Variants in KATNIP observed in about 807,000 individuals in gnomAD.
KATNIP encodes the protein katanin interacting protein.
In KATNIP, 126 loss-of-function variants were observed where a neutral mutation model predicts 174.0. That is an observed-to-expected ratio of 0.72 (90% CI 0.63 to 0.84). The LOEUF is 0.84. Among genes scored for constraint, KATNIP ranks in the 40% least tolerant of loss-of-function variants. KATNIP has a pLI of 0.00. For synonymous variants in KATNIP, 810 were observed against 835.7 expected (o/e 0.97, Z 0.53); for missense variants, 1,958 against 2,109.7 (o/e 0.93, Z 1.41).
chr16:27,721,379 G>A (rs112524023), intron 13 of KATNIP, among the ~76,000 whole-genome samples, 179 bp from the exon 14 acceptor site: 1,574 of 152,210 alleles, frequency 0.01, 19 homozygotes, highest in African/African-American at 0.034. Flanking sequence ...GTGAAGTGCC[G>A]TCCAGACGGG....
At position 27,628,799 on chromosome 16, in the gene KATNIP, C is replaced by T; in HGVS notation, c.279C>T (p.Ser93=). 1 of 1,614,202 alleles carries T rather than the reference C, an allele frequency of 6.2e-7. No homozygotes were observed. Among genetic ancestry groups the T allele is most frequent in the Non-Finnish European group, 8.5e-7 (1 of 1,180,036 alleles). ...GGAAAGCTATTCACTCTGACTTCTC[C>T]AGAAGTGCCTCCCACACGGAGGGGA... ...SPRKAIHSDF[S]RSASHTEGTH... Residue 93 remains serine (S), a synonymous_variant, in exon 4 of 28, where the codon TCC becomes TCT. Coordinates refer to ENST00000261588, the MANE Select transcript of KATNIP (RefSeq NM_015202.5).
At chr16:27,569,672 A>T (rs2090214836) in intron 1 of KATNIP, among the ~76,000 whole-genome samples, 1 of 152,254 alleles carries the variant, frequency 6.6e-6, no homozygotes, top group African/African-American at 2.4e-5. Flanking sequence ...CAGCACTTCC[A>T]TCCTTGACAG....
At position 27,769,988 on chromosome 16, in the gene KATNIP, G is replaced by A. The variant is rs11644502; in HGVS notation, c.4103G>A (p.Arg1368Gln). ...AQEILFVDYL[R>Q]AQLLPQPARR... ...GAAATCCTCTTCGTGGACTACCTAC[G>A]GGCTCAGCTGCTGCCCCAGCCGGCC... The change falls in exon 21 of 28, where the codon CGG becomes CAG. Residue 1368 changes from arginine to glutamine, a missense_variant. Physicochemically the swap from Arg to Gln is conservative, Grantham distance 43 (BLOSUM62 1). Transcript: ENST00000261588. 104,192 of 1,613,974 alleles carry A rather than the reference G, an allele frequency of 0.065. 3,920 individuals carry two copies. The highest frequency in any genetic ancestry group is 0.077 in the Middle Eastern group (468 of 6,060).
chr16:27,756,553 G>GC (rs1260799169), intron 18 of KATNIP, among the ~76,000 whole-genome samples: 1 of 152,190 alleles, frequency 6.6e-6, no homozygotes, highest in Non-Finnish European at 1.5e-5. Context: ...CACCACACTA[G>GC]CAGATTGCCT....
intron 12 of KATNIP, among the ~76,000 whole-genome samples, chr16:27,706,365 A>G (rs2079302830): frequency 1.3e-5 from 2 of 152,150 alleles, no homozygotes; most frequent in African/African-American, 2.4e-5. Flanking sequence ...AGCCGAGGGG[A>G]CAGGACACAT....
Position 27,777,727 on chromosome 16 carries a change from G to C in KATNIP, c.4669G>C (p.Glu1557Gln). The change falls in exon 26 of 28, where the codon GAG becomes CAG. Residue 1557 changes from glutamate to glutamine, a missense_variant. By Grantham distance (29) the Glu-to-Gln change is conservative. Coordinates refer to ENST00000261588, the MANE Select transcript of KATNIP (RefSeq NM_015202.5). The surrounding 1 kb of genome is among the most constrained non-coding windows in gnomAD (Gnocchi z 4.4). ...GCCCTACCACACCATCCTCTTCACC[G>C]AGGACAGGGACATCCGCCACCAGGA... Reference protein sequence around the residue: ...TVPYHTILFTEDRDIRHQEKH... With the variant: ...TVPYHTILFTQDRDIRHQEKH... 1 of 1,614,076 alleles carries C rather than the reference G, an allele frequency of 6.2e-7. No individual in the cohort carries two copies. Among genetic ancestry groups the C allele is most frequent in the Non-Finnish European group, 8.5e-7 (1 of 1,179,984 alleles).
Position 27,677,959 on chromosome 16 carries a change from C to G in KATNIP, c.771C>G (p.Asp257Glu). Residue 257 changes from aspartate (D) to glutamate (E), a missense_variant, in exon 7 of 28, where the codon GAC becomes GAG. Coordinates refer to ENST00000261588, the MANE Select transcript of KATNIP (RefSeq NM_015202.5). Reference protein sequence around the residue: ...ETEGRSSPGPDTLVVLEFNPA... With the variant: ...ETEGRSSPGPETLVVLEFNPA... The stretch of plus-strand genomic sequence containing the variant: ...AAGGACGCTCTTCTCCAGGCCCAGA[C>G]ACCCTCGTGGTGCTGGAATTTAACC... 6.2e-7 allele frequency: 1 copy of G among 1,614,232 alleles called. No individual in the cohort carries two copies. The highest frequency in any genetic ancestry group is 8.5e-7 in the Non-Finnish European group (1 of 1,180,024).
intron 5 of KATNIP, among the ~76,000 whole-genome samples, chr16:27,634,962 G>A (rs1195898899): frequency 2.6e-5 from 4 of 152,142 alleles, no homozygotes; most frequent in African/African-American, 9.7e-5. Flanking sequence ...TTTGGAGTAG[G>A]CTGATGTGTG....
rs141669732 is a variant in KATNIP, at chr16:27,628,698, T to C, written c.178T>C (p.Leu60=). 5.6e-6 allele frequency: 9 copies of C among 1,614,078 alleles called. No homozygotes were observed. Among genetic ancestry groups the C allele is most frequent in the African/African-American group, 5.3e-5 (4 of 74,928 alleles). ...TTTGAAAAGCAAGGACCCCGTGCAA[T>C]TGAGGCTGGAGCACTTGGAGCAAGG... The part of the protein sequence containing the change: ...KHLKSKDPVQ[L]RLEHLEQGFS... Residue 60 remains leucine (L), a synonymous_variant, in exon 4 of 28, where the codon TTG becomes CTG. Coordinates refer to ENST00000261588, the MANE Select transcript of KATNIP (RefSeq NM_015202.5).
intron 10 of KATNIP, among the ~76,000 whole-genome samples, chr16:27,700,866 A>G (rs2079071238): frequency 6.6e-6 from 1 of 152,180 alleles, no homozygotes; most frequent in South Asian, 2.1e-4. Context: ...GCCAGTTCCC[A>G]TCATCCTCGT....
At chr16:27,669,334 C>A (rs1398328532) in intron 6 of KATNIP, 4 of 983,908 alleles carry the variant, frequency 4.1e-6, no homozygotes, top group Middle Eastern at 5.2e-4. Flanking sequence ...AGTGAGGAGA[C>A]CCATTTGTGT....
chr16:27,710,288 G>T (rs1233789364), intron 13 of KATNIP, among the ~76,000 whole-genome samples: 4 of 152,022 alleles, frequency 2.6e-5, no homozygotes, highest in African/African-American at 9.7e-5. Context: ...AACCTGGGAG[G>T]GGAGGTTGCA....
intron 6 of KATNIP, among the ~76,000 whole-genome samples, chr16:27,659,585 A>G (rs1387796083): frequency 1.3e-5 from 2 of 152,130 alleles, no homozygotes; most frequent in Non-Finnish European, 2.9e-5. Context: ...AGACAGTACT[A>G]TGTTATGAAA....
chr16:27,706,934 C>T (rs1160168754), intron 12 of KATNIP, among the ~76,000 whole-genome samples: 1 of 152,220 alleles, frequency 6.6e-6, no homozygotes, highest in African/African-American at 2.4e-5. Flanking sequence ...GGGACTCAGA[C>T]CCAGGGCAGC....
intron 15 of KATNIP, among the ~76,000 whole-genome samples, chr16:27,745,166 G>A (rs897618007): frequency 1.3e-5 from 2 of 152,148 alleles, no homozygotes; most frequent in African/African-American, 4.8e-5. Flanking sequence ...CATCAGTCCA[G>A]TTTGAGCAGT....
At chr16:27,681,120 C>T (rs960435488) in intron 7 of KATNIP, 1 of 348,878 alleles carries the variant, frequency 2.9e-6, no homozygotes, top group Non-Finnish European at 5.5e-6. Context: ...GTGTGAGCCA[C>T]CGCCTGGCTG....
At chr16:27,653,034 G>T (rs2077164213) in intron 6 of KATNIP, among the ~76,000 whole-genome samples, 2 of 151,970 alleles carry the variant, frequency 1.3e-5, no homozygotes, top group African/African-American at 2.4e-5. Flanking sequence ...ATGATACAAA[G>T]AAAACAAAAG....
At position 27,566,448 on chromosome 16, in the gene KATNIP, A is replaced by G. The variant is rs2090092629; in HGVS notation, c.8-7453A>G. On this transcript the variant is annotated intron_variant, in intron 1 of 27. Transcript: ENST00000261588. ...CTACTTGGGAGACTGAGGCAGGAGA[A>G]TCACTTGAACCCAGGAGGTGGAGGT... Among the ~76,000 whole-genome samples the G allele has an allele frequency of 2.0e-5, 3 of 152,042 alleles. No individual in the cohort carries two copies. The South Asian group carries it at 6.2e-4, about 32-fold the overall frequency.
chr16:27,561,130 G>T (rs905337911), intron 1 of KATNIP, among the ~76,000 whole-genome samples: 1 of 151,210 alleles, frequency 6.6e-6, no homozygotes, highest in African/African-American at 2.4e-5. Flanking sequence ...TCCTGTCTTA[G>T]CCTCCCAAGT....
Sources: gnomAD v4.1 joint callset for allele counts (sites outside exome capture counted in the v4.1 genomes callset) on GRCh38, gnomAD v4.1.1 for gene constraint, Gnocchi (gnomAD v3.1) non-coding constraint, MANE v1.5 for transcripts, NCBI Gene and HGNC (gene_info 2026-07-23, HGNC 2026-07-21) for gene names.